Variants in COL22A1 observed in about 807,000 individuals in gnomAD.
COL22A1 encodes collagen type XXII alpha 1 chain, also known as collagen alpha-1(XXII) chain.
In COL22A1, 221 loss-of-function variants were observed where a neutral mutation model predicts 248.9. That is an observed-to-expected ratio of 0.89 (90% CI 0.80 to 0.99). COL22A1 has a LOEUF of 0.99. Ranked by LOEUF, COL22A1 falls within the 50% of genes least tolerant of loss-of-function variation. The probability of loss-of-function intolerance (pLI) is 0.00; values close to 1 mark genes in which losing one functional copy is unlikely to be tolerated. For missense variants in COL22A1, 2,240 were observed against 2,179.0 expected (o/e 1.03, Z -0.56); for synonymous variants, 891 against 793.4 (o/e 1.12, Z -2.07).
Position 138,753,157 on chromosome 8 carries a change from C to T in COL22A1, c.2032-1646G>A, listed in dbSNP as rs186472551. On this transcript the variant is annotated intron_variant, in intron 21 of 64. Transcript: ENST00000303045. ...CCTAATCCCAAGTACCTTCCATGACCCTATTTCTGTAGCTCATGCTGCAGA... is the reference window on the plus strand; with the variant it reads ...CCTAATCCCAAGTACCTTCCATGACTCTATTTCTGTAGCTCATGCTGCAGA... Among the ~76,000 whole-genome samples the T allele has an allele frequency of 2.4e-4, 36 of 152,280 alleles. No homozygotes were observed. The East Asian group carries it at 5.8e-3, about 24-fold the overall frequency.
chr8:138,637,388 G>A lies in COL22A1; in HGVS notation c.3502-593C>T, dbSNP rs538657204. Among the ~76,000 whole-genome samples the A allele has an allele frequency of 5.3e-5, 8 of 152,182 alleles. No homozygotes were observed. The East Asian group carries it at 7.7e-4, about 15-fold the overall frequency. The stretch of plus-strand genomic sequence containing the variant: ...GAATTTATCCATACATAAGTTCCTT[G>A]CTCCCTCCCTTACTAGCTGTGAGAC... On this transcript the variant is annotated intron_variant, in intron 47 of 64. Coordinates refer to ENST00000303045, the MANE Select transcript of COL22A1 (RefSeq NM_152888.3).
intron 59 of COL22A1, among the ~76,000 whole-genome samples, chr8:138,603,998 G>A (rs1161481240): frequency 6.6e-6 from 1 of 152,306 alleles, no homozygotes; most frequent in African/African-American, 2.4e-5. Context: ...CAGCAGAACA[G>A]AGCAGGGTGC....
chr8:138,798,481 A>G (rs991060716), intron 11 of COL22A1, among the ~76,000 whole-genome samples: 1 of 152,076 alleles, frequency 6.6e-6, no homozygotes, highest in Non-Finnish European at 1.5e-5. Context: ...TATATGCATA[A>G]TAACTTAATA....
At chr8:138,762,190 C>T (rs1327679548) in intron 17 of COL22A1, among the ~76,000 whole-genome samples, 2 of 152,168 alleles carry the variant, frequency 1.3e-5, no homozygotes, top group African/African-American at 4.8e-5. Context: ...ACCACCTTAC[C>T]TGATGTAAAA....
intron 37 of COL22A1, 149 bp downstream of exon 37, chr8:138,688,768 A>T (rs1356883517): frequency 3.0e-6 from 2 of 659,906 alleles, no homozygotes; most frequent in African/African-American, 3.6e-5. Context: ...AGCCAATGGG[A>T]TGGCACAGTC....
At chr8:138,694,627 G>A in intron 33 of COL22A1, 66 bp from the exon 34 acceptor site, 1 of 1,548,010 alleles carries the variant, frequency 6.5e-7, no homozygotes, top group African/African-American at 1.4e-5. Flanking sequence ...GGCGGATGGG[G>A]CGGGGACGTT....
Position 138,660,484 on chromosome 8 carries a change from A to T in COL22A1, c.3241-4T>A, listed in dbSNP as rs1472841784. On this transcript the variant is annotated splice_polypyrimidine_tract_variant and splice_region_variant and intron_variant, in intron 43 of 64. Coordinates refer to ENST00000303045, the MANE Select transcript of COL22A1 (RefSeq NM_152888.3). ...CTCCTGGATTTCCTGGTGCACCCTA[A>T]GAGAAGAAGGAAATAAAACATTAAC... 3 of 1,613,466 alleles carry T rather than the reference A, an allele frequency of 1.9e-6. No individual in the cohort carries two copies. Among genetic ancestry groups the T allele is most frequent in the Non-Finnish European group, 2.5e-6 (3 of 1,179,414 alleles).
In COL22A1 at chr8:138,762,628, G is replaced by A. The variant is rs1033439135; in HGVS notation, c.1804-162C>T. ...CACACACAACAGCCCTAGACGGGAT[G>A]TGTCTTGGAGGACAAGGAACATAGG... On this transcript the variant is annotated intron_variant, in intron 16 of 64. Transcript: ENST00000303045. Among the ~76,000 whole-genome samples, 3 of 149,226 alleles carry A rather than the reference G, an allele frequency of 2.0e-5. No individual in the cohort carries two copies. The Admixed American group carries it at 2.0e-4, about 10-fold the overall frequency.
chr8:138,720,247 C>T (rs150667818), intron 27 of COL22A1, among the ~76,000 whole-genome samples: 11 of 152,286 alleles, frequency 7.2e-5, no homozygotes, highest in Non-Finnish European at 1.3e-4. Flanking sequence ...ATTGCATCTG[C>T]CAGCTTTCCT....
intron 22 of COL22A1, among the ~76,000 whole-genome samples, chr8:138,742,052 G>A (rs1831620784): frequency 6.6e-6 from 1 of 151,028 alleles, no homozygotes; most frequent in Non-Finnish European, 1.5e-5. Flanking sequence ...GATGGTGATG[G>A]TGATGGTAGA....
intron 22 of COL22A1, among the ~76,000 whole-genome samples, chr8:138,741,040 G>T (rs376046528): frequency 1.3e-5 from 2 of 152,150 alleles, no homozygotes; most frequent in Non-Finnish European, 2.9e-5. Context: ...TTTTCAGTTT[G>T]GTGTCCAGGG....
intron 7 of COL22A1, 78 bp downstream of exon 7, chr8:138,821,058 A>T: frequency 6.7e-7 from 1 of 1,497,852 alleles, no homozygotes. Context: ...GGTGTGGAGA[A>T]CACTGAGGGC....
In COL22A1 at chr8:138,775,985, T is replaced by C. The variant is rs1434273621; in HGVS notation, c.1784A>G (p.Lys595Arg). ...APGLQGERGE[K>R]GTRGEKGERG... Reference sequence around the variant, plus strand: ...AAATACCTTTTCTCCTCGAGTTCCCTTTTCACCTCGTTCTCCTTGGAGACC... The same window carrying C: ...AAATACCTTTTCTCCTCGAGTTCCCCTTTCACCTCGTTCTCCTTGGAGACC... Residue 595 changes from lysine to arginine, a missense_variant, in exon 16 of 65, where the codon AAG becomes AGG. Physicochemically the swap from Lys to Arg is conservative, Grantham distance 26. Coordinates refer to ENST00000303045, the MANE Select transcript of COL22A1 (RefSeq NM_152888.3). The C allele has an allele frequency of 6.2e-7, 1 of 1,613,480 alleles. No homozygotes were observed. Among genetic ancestry groups the C allele is most frequent in the Non-Finnish European group, 8.5e-7 (1 of 1,179,836 alleles).
intron 10 of COL22A1, among the ~76,000 whole-genome samples, chr8:138,806,462 G>C (rs1156909821): frequency 2.0e-5 from 3 of 151,954 alleles, no homozygotes; most frequent in Non-Finnish European, 4.4e-5. Context: ...AAGAGAAAGA[G>C]AAAAGGCAGA....
chr8:138,733,932 T>G (rs549354991), intron 23 of COL22A1, among the ~76,000 whole-genome samples: 36 of 152,290 alleles, frequency 2.4e-4, no homozygotes, highest in Non-Finnish European at 3.5e-4. Flanking sequence ...ACTACCTCTC[T>G]GCCCTAAATC....
At chr8:138,809,334 C>T (rs1306767419) in intron 9 of COL22A1, among the ~76,000 whole-genome samples, 1 of 152,100 alleles carries the variant, frequency 6.6e-6, no homozygotes, top group Non-Finnish European at 1.5e-5. Flanking sequence ...CTTAAAACCT[C>T]AGTGTACAGC....
At chr8:138,701,382 C>CA (rs1336306972) in intron 31 of COL22A1, among the ~76,000 whole-genome samples, 2 of 151,834 alleles carry the variant, frequency 1.3e-5, no homozygotes, top group South Asian at 2.1e-4. Flanking sequence ...AGTAAATGGA[C>CA]AAAAAACATC....
intron 22 of COL22A1, among the ~76,000 whole-genome samples, chr8:138,738,912 T>C (rs1245467466): frequency 1.3e-5 from 2 of 152,154 alleles, no homozygotes; most frequent in African/African-American, 4.8e-5. Context: ...AGGCACACCC[T>C]GGGAGCAACA....
intron 40 of COL22A1, among the ~76,000 whole-genome samples, chr8:138,678,718 C>T (rs761295352): frequency 5.0e-4 from 76 of 152,030 alleles, no homozygotes; most frequent in Non-Finnish European, 1.0e-3. Context: ...TCAGGTGATT[C>T]TAGGTCCAGT....
Sources: allele counts gnomAD v4.1 joint callset (sites outside exome capture counted in the v4.1 genomes callset), GRCh38; gene constraint gnomAD v4.1.1; transcripts MANE v1.5; gene names NCBI Gene and HGNC (gene_info 2026-07-23, HGNC 2026-07-21).